The following CDADC1 variants were observed in gnomAD, a reference collection of about 807,000 sequenced individuals.
CDADC1 encodes cytidine and dCMP deaminase domain containing 1, also known as dCTP deaminase.
CDADC1 carries 39 observed loss-of-function variants against 54.9 expected under a neutral mutation model. The ratio of observed to expected loss-of-function variants is 0.71; its 90% CI spans 0.55 to 0.93. CDADC1 has a LOEUF of 0.93. Ranked by LOEUF, CDADC1 falls within the 40% of genes least tolerant of loss-of-function variation. CDADC1 has a pLI of 0.00. For missense variants in CDADC1, 518 were observed against 618.8 expected (o/e 0.84, Z 1.73); for synonymous variants, 186 against 204.0 (o/e 0.91, Z 0.75).
chr13:49,289,834 C>G (rs1012903700), intron 9 of CDADC1, among the ~76,000 whole-genome samples: 1 of 152,132 alleles, frequency 6.6e-6, no homozygotes, highest in Non-Finnish European at 1.5e-5. Context: ...TGCTTGAGCC[C>G]AGGAGTTCAA....
chr13:49,281,061 T>A (rs890798425), intron 8 of CDADC1, among the ~76,000 whole-genome samples: 3 of 152,056 alleles, frequency 2.0e-5, no homozygotes, highest in Non-Finnish European at 4.4e-5. Context: ...CTCAAACTCC[T>A]GAGCTCAGGT....
chr13:49,276,272 A>C (rs1593835493), intron 6 of CDADC1, among the ~76,000 whole-genome samples: 1 of 152,162 alleles, frequency 6.6e-6, no homozygotes, highest in Non-Finnish European at 1.5e-5. Context: ...AGTGCATTCC[A>C]AGAATGTTCT....
intron 6 of CDADC1, among the ~76,000 whole-genome samples, chr13:49,276,487 C>T (rs769482391): frequency 3.9e-5 from 6 of 152,184 alleles, no homozygotes; most frequent in Non-Finnish European, 7.3e-5. Flanking sequence ...AGAAAGTAAT[C>T]TGACAATTTG....
intron 2 of CDADC1, among the ~76,000 whole-genome samples, chr13:49,254,839 C>G (rs1952508479): frequency 6.8e-6 from 1 of 146,478 alleles, no homozygotes; most frequent in African/African-American, 2.4e-5. Context: ...TGTCATGTAG[C>G]AAGGGTTCAA....
At position 49,278,487 on chromosome 13, in the gene CDADC1, C is replaced by T. The variant is rs1357056767; in HGVS notation, c.1188C>T (p.Ile396=). The T allele has an allele frequency of 6.3e-7, 1 of 1,584,726 alleles. No individual in the cohort carries two copies. Among genetic ancestry groups the T allele is most frequent in the Non-Finnish European group, 8.6e-7 (1 of 1,158,900 alleles). Residue 396 remains isoleucine (I), a synonymous_variant, in exon 7 of 10, where the codon ATC becomes ATT. Coordinates refer to ENST00000251108, the MANE Select transcript of CDADC1 (RefSeq NM_030911.4). ...KDREIRKFRY[I]IHAEQNALTF... Reference sequence around the variant, plus strand: ...GAGAAATAAGGAAATTCAGATACATCATACATGCGGAACAGAATGCCTTGA... The same window carrying T: ...GAGAAATAAGGAAATTCAGATACATTATACATGCGGAACAGAATGCCTTGA...
intron 4 of CDADC1, among the ~76,000 whole-genome samples, chr13:49,262,103 C>G (rs1005358544): frequency 6.6e-6 from 1 of 152,174 alleles, no homozygotes; most frequent in Non-Finnish European, 1.5e-5. Flanking sequence ...CAAGTGTGGT[C>G]TGTGGACTCC....
chr13:49,260,200 A>G (rs932938140), intron 4 of CDADC1, among the ~76,000 whole-genome samples: 2 of 152,216 alleles, frequency 1.3e-5, no homozygotes, highest in African/African-American at 4.8e-5. Flanking sequence ...ATGTCTACTA[A>G]CCTATTAAAT....
At position 49,267,530 on chromosome 13, in the gene CDADC1, A is replaced by T. The variant is rs754343703; in HGVS notation, c.471A>T (p.Glu157Asp). 1 of 1,613,760 alleles carries T rather than the reference A, an allele frequency of 6.2e-7. No homozygotes were observed. Among genetic ancestry groups the T allele is most frequent in the Non-Finnish European group, 8.5e-7 (1 of 1,179,894 alleles). The change falls in exon 5 of 10, where the codon GAA becomes GAT. Residue 157 changes from glutamate (E) to aspartate (D), a missense_variant. Glu to Asp is a conservative substitution (Grantham distance 45). Coordinates refer to ENST00000251108, the MANE Select transcript of CDADC1 (RefSeq NM_030911.4). The part of the protein sequence containing the change: ...NRISYWPADP[E>D]ISLLTEASSS... ...TTTCATACTGGCCTGCTGATCCAGA[A>T]ATAAGTTTGCTTACGGAGGCTTCTA...
intron 5 of CDADC1, among the ~76,000 whole-genome samples, chr13:49,270,474 TC>T (rs1250025640): frequency 1.3e-5 from 2 of 152,152 alleles, no homozygotes; most frequent in Non-Finnish European, 2.9e-5. Context: ...TGCCTCAGCC[TC>T]CCAAAGTGCT....
At chr13:49,289,512 A>G (rs1953638218) in intron 9 of CDADC1, among the ~76,000 whole-genome samples, 1 of 152,162 alleles carries the variant, frequency 6.6e-6, no homozygotes, top group Admixed American at 6.5e-5. Context: ...ATTTGTTGCT[A>G]TATTGTTTTT....
chr13:49,283,616 T>G (rs999437502), intron 8 of CDADC1, among the ~76,000 whole-genome samples: 1 of 152,068 alleles, frequency 6.6e-6, no homozygotes, highest in Non-Finnish European at 1.5e-5. Context: ...AGCTTTTCAA[T>G]TGTAAAGAGA....
At chr13:49,287,510 C>CTATT (rs1184819332) in intron 9 of CDADC1, among the ~76,000 whole-genome samples, 5 of 151,386 alleles carry the variant, frequency 3.3e-5, no homozygotes, top group African/African-American at 1.2e-4. Flanking sequence ...ATCTATCTAT[C>CTATT]GGTCTGTCTC....
At chr13:49,256,043 G>A in intron 3 of CDADC1, 130 bp downstream of exon 3, 5 of 1,240,072 alleles carry the variant, frequency 4.0e-6, no homozygotes, top group Non-Finnish European at 4.2e-6. Flanking sequence ...AAAATGGTCT[G>A]TATATTTACA....
chr13:49,273,664 C>T (rs1348041010), intron 5 of CDADC1, among the ~76,000 whole-genome samples: 5 of 152,024 alleles, frequency 3.3e-5, no homozygotes, highest in Non-Finnish European at 5.9e-5. Context: ...TTCTTTTTCC[C>T]TCAAGGTAAA....
At chr13:49,286,181 AATCCT>A (rs1566378805) in intron 8 of CDADC1, 36 bp from the exon 9 acceptor site, 1 of 1,495,462 alleles carries the variant, frequency 6.7e-7, no homozygotes, top group Non-Finnish European at 9.3e-7. Context: ...CTATGTATTA[AATCCT>A]CTTTAAACAA....
chr13:49,264,941 C>T (rs1952781790), intron 4 of CDADC1, among the ~76,000 whole-genome samples: 1 of 152,166 alleles, frequency 6.6e-6, no homozygotes, highest in East Asian at 1.9e-4. Context: ...ATTTAACTTG[C>T]CCAAGTTTCT....
intron 9 of CDADC1, among the ~76,000 whole-genome samples, chr13:49,289,595 C>T (rs1479949688): frequency 6.6e-6 from 1 of 152,186 alleles, no homozygotes; most frequent in African/African-American, 2.4e-5. Context: ...TGTATTCCCA[C>T]AATGGACTAC....
Position 49,291,945 on chromosome 13 carries a change from G to C in CDADC1, c.*188G>C. 1 of 1,365,716 alleles carries C rather than the reference G, an allele frequency of 7.3e-7. No individual in the cohort carries two copies. Among genetic ancestry groups the C allele is most frequent in the Non-Finnish European group, 9.4e-7 (1 of 1,058,636 alleles). The allele number at this position is 1,365,716 out of a possible 1,614,324, so 84.6% of individuals were successfully genotyped here. A position where few individuals can be genotyped will look rare whatever the true frequency, so the allele number is the denominator to read the frequency against. On this transcript the variant is annotated 3_prime_UTR_variant, in exon 10 of 10. Coordinates refer to ENST00000251108, the MANE Select transcript of CDADC1 (RefSeq NM_030911.4). Reference sequence around the variant, plus strand: ...ATTTGTCTTTTAGATTTATGTGTGGGTTTTCCATAATGTAGTAGTGTGTTA... The same window carrying C: ...ATTTGTCTTTTAGATTTATGTGTGGCTTTTCCATAATGTAGTAGTGTGTTA...
intron 5 of CDADC1, 63 bp downstream of exon 5, chr13:49,268,122 C>T (rs772365677): frequency 2.1e-5 from 27 of 1,278,432 alleles, no homozygotes; most frequent in Non-Finnish European, 2.5e-5. Flanking sequence ...CTGAAGTGTT[C>T]GTCTCATTTA....
Sources: gnomAD v4.1 joint callset for allele counts (sites outside exome capture counted in the v4.1 genomes callset) on GRCh38, gnomAD v4.1.1 for gene constraint, MANE v1.5 for transcripts, NCBI Gene and HGNC (gene_info 2026-07-23, HGNC 2026-07-21) for gene names.